The following VRK3 variants were observed in gnomAD, a reference collection of about 807,000 sequenced individuals.
VRK3 encodes the protein VRK serine/threonine kinase 3, also known as serine/threonine-protein kinase VRK3.
In VRK3, 50 loss-of-function variants were observed where a neutral mutation model predicts 60.4. That is an observed-to-expected ratio of 0.83 (90% CI 0.66 to 1.05). The LOEUF (loss-of-function observed/expected upper bound fraction) is 1.05, where lower values mean the gene tolerates loss of function less well. Among genes scored for constraint, VRK3 ranks in the 50% least tolerant of loss-of-function variants. The probability of loss-of-function intolerance (pLI) is 0.00; values close to 1 mark genes in which losing one functional copy is unlikely to be tolerated. For synonymous variants in VRK3, 246 were observed against 227.8 expected (o/e 1.08, Z -0.72); for missense variants, 549 against 585.3 (o/e 0.94, Z 0.64).
At chr19:50,013,379 C>G (rs756640689) in intron 3 of VRK3, among the ~76,000 whole-genome samples, 23 of 152,310 alleles carry the variant, frequency 1.5e-4, no homozygotes, top group Non-Finnish European at 2.4e-4. Flanking sequence ...CATCCCAATA[C>G]GCACTGTCCC....
chr19:50,018,912 T>G (rs2077118593), intron 2 of VRK3: 2 of 152,106 alleles, frequency 1.3e-5, no homozygotes, highest in South Asian at 4.2e-4. Flanking sequence ...ATGCCTGTAA[T>G]CCCAGCACTT....
Position 49,983,421 on chromosome 19 carries a change from G to A in VRK3, c.1218-2408C>T, listed in dbSNP as rs551194651. On this transcript the variant is annotated intron_variant, in intron 12 of 14. Coordinates refer to ENST00000316763, the MANE Select transcript of VRK3 (RefSeq NM_016440.4). ...AGGCGGAGGAACTCTGTCCCTCCTG[G>A]GCCTGTGCGTAGGTCCACAGATGTC... is the stretch of plus-strand genomic sequence containing the variant. Among the ~76,000 whole-genome samples, 11 of 152,320 alleles carry A rather than the reference G, an allele frequency of 7.2e-5. No individual in the cohort carries two copies. In the South Asian group the frequency reaches 2.3e-3, roughly 32 times the overall value.
chr19:50,003,439 G>C (rs1228725384), intron 5 of VRK3, among the ~76,000 whole-genome samples: 1 of 152,236 alleles, frequency 6.6e-6, no homozygotes, highest in Non-Finnish European at 1.5e-5. Context: ...GCCCGACCCT[G>C]AGCTGCTGCT....
chr19:49,994,151 C>A (rs904233264), intron 9 of VRK3, among the ~76,000 whole-genome samples: 1 of 152,176 alleles, frequency 6.6e-6, no homozygotes, highest in East Asian at 1.9e-4. Flanking sequence ...TCCCTTGGTA[C>A]GTCCATCCCT....
At chr19:49,993,270 A>G (rs1048107348) in intron 9 of VRK3, among the ~76,000 whole-genome samples, 1 of 152,364 alleles carries the variant, frequency 6.6e-6, no homozygotes, top group South Asian at 2.1e-4. Context: ...AAAATGACTC[A>G]GCACCTGTGG....
chr19:50,009,147 C>G, intron 4 of VRK3, 89 bp downstream of exon 4: 2 of 1,463,394 alleles, frequency 1.4e-6, no homozygotes, highest in Middle Eastern at 1.8e-4. Flanking sequence ...ATGTTTGAGC[C>G]GGGGCTGTGG....
At chr19:49,998,375 T>C (rs963643076) in intron 6 of VRK3, 2 of 151,148 alleles carry the variant, frequency 1.3e-5, no homozygotes, top group Non-Finnish European at 2.9e-5. Context: ...TAATCCCAGC[T>C]ACTCGGGAGG....
intron 10 of VRK3, among the ~76,000 whole-genome samples, chr19:49,991,052 T>C (rs1197182780): frequency 6.6e-6 from 1 of 152,178 alleles, no homozygotes; most frequent in African/African-American, 2.4e-5. Flanking sequence ...TTTGGCCTCC[T>C]AAACTGCTGG....
At chr19:50,015,987 C>G (rs2077069679) in intron 3 of VRK3, 37 bp downstream of exon 3, 1 of 1,613,730 alleles carries the variant, frequency 6.2e-7, no homozygotes, top group African/African-American at 1.3e-5. Flanking sequence ...GCACCTTATT[C>G]CCACCGCAGA....
intron 3 of VRK3, among the ~76,000 whole-genome samples, chr19:50,015,314 A>ATT (rs562454660): frequency 1.4e-5 from 2 of 144,922 alleles, no homozygotes; most frequent in African/African-American, 5.3e-5. Flanking sequence ...TGGATTTCAG[A>ATT]TTTTTTTTTT....
At chr19:50,001,142 T>G in intron 5 of VRK3, 1 of 355,130 alleles carries the variant, frequency 2.8e-6, no homozygotes, top group Non-Finnish European at 5.2e-6. Context: ...CAGAATCCCC[T>G]AAGTGAGTGG....
intron 8 of VRK3, 104 bp from the exon 9 acceptor site, chr19:49,995,023 G>C (rs982947196): frequency 7.7e-7 from 1 of 1,305,460 alleles, no homozygotes; most frequent in Non-Finnish European, 1.1e-6. Context: ...CCTGGTCCCA[G>C]GTGAGATCAA....
intron 5 of VRK3, among the ~76,000 whole-genome samples, chr19:50,003,458 G>T (rs1246440597): frequency 6.6e-6 from 1 of 152,242 alleles, no homozygotes; most frequent in Non-Finnish European, 1.5e-5. Flanking sequence ...CTCACGGGCA[G>T]CTCTCCCAAG....
At chr19:50,021,745 T>G (rs28720999) in intron 1 of VRK3, among the ~76,000 whole-genome samples, 7,962 of 152,282 alleles carry the variant, frequency 0.052, 676 homozygotes, top group African/African-American at 0.18. Context: ...CTAGACATAG[T>G]AACCGGGACA....
intron 12 of VRK3, 141 bp downstream of exon 12, chr19:49,988,231 T>C: frequency 7.5e-7 from 1 of 1,325,102 alleles, no homozygotes; most frequent in Non-Finnish European, 1.0e-6. Flanking sequence ...CTGCAGCACA[T>C]GCCTGTGCGG....
At chr19:50,013,720 C>A (rs750553124) in intron 3 of VRK3, among the ~76,000 whole-genome samples, 12 of 152,156 alleles carry the variant, frequency 7.9e-5, no homozygotes, top group Admixed American at 7.2e-4. Context: ...AGGCACAGAC[C>A]CAGGTGCTGT....
At chr19:49,997,417 C>G in intron 7 of VRK3, 87 bp downstream of exon 7, 1 of 1,470,132 alleles carries the variant, frequency 6.8e-7, no homozygotes, top group South Asian at 1.2e-5. Flanking sequence ...GCCCACCCTT[C>G]TCATGCCTGC....
intron 12 of VRK3, chr19:49,981,999 A>G (rs2076432034): frequency 1.6e-6 from 1 of 642,796 alleles, no homozygotes; most frequent in Admixed American, 2.3e-5. Flanking sequence ...GGGGCCGTCA[A>G]GTAGGCTGTC....
At position 50,016,017 on chromosome 19, in the gene VRK3, T is replaced by A. The variant is rs2077070269; in HGVS notation, c.139+7A>T. The A allele has an allele frequency of 6.2e-7, 1 of 1,613,960 alleles. No individual in the cohort carries two copies. The highest frequency in any genetic ancestry group is 1.1e-5 in the South Asian group (1 of 91,066). On this transcript the variant is annotated splice_region_variant and intron_variant, in intron 3 of 14. Coordinates refer to ENST00000316763, the MANE Select transcript of VRK3 (RefSeq NM_016440.4). ...CGCAGAAACAGGCTCAATGCTCTGGTTCTTACCTTGGAAGGATGACACATG... is the reference window on the plus strand; with the variant it reads ...CGCAGAAACAGGCTCAATGCTCTGGATCTTACCTTGGAAGGATGACACATG...
Sources: allele counts gnomAD v4.1 joint callset (sites outside exome capture counted in the v4.1 genomes callset), GRCh38; gene constraint gnomAD v4.1.1; transcripts MANE v1.5; gene names NCBI Gene and HGNC (gene_info 2026-07-23, HGNC 2026-07-21).